LRRC7: variants seen among roughly 807,000 people sequenced by gnomAD.
The protein encoded by LRRC7 is leucine-rich repeat-containing protein 7.
A neutral mutation model predicts 175.7 loss-of-function variants in LRRC7; 23 were observed. That is an observed-to-expected ratio of 0.13 (90% CI 0.09 to 0.19). LRRC7 has a LOEUF of 0.19. LRRC7 is among the 10% of genes least tolerant of loss of function. The probability of loss-of-function intolerance (pLI) is 1.00; values close to 1 mark genes in which losing one functional copy is unlikely to be tolerated. For missense variants in LRRC7, 1,354 were observed against 1,904.7 expected (o/e 0.71, Z 5.38); for synonymous variants, 685 against 680.9 (o/e 1.01, Z -0.09).
At chr1:69,740,427 T>G (rs1032999194) in intron 2 of LRRC7, among the ~76,000 whole-genome samples, 4 of 152,018 alleles carry the variant, frequency 2.6e-5, no homozygotes, top group African/African-American at 7.2e-5. Context: ...CTAAAGGCTG[T>G]TAAAATAAAA....
intron 1 of LRRC7, among the ~76,000 whole-genome samples, chr1:69,617,551 A>AAAAAAAAAAAAAAAAAAAC: frequency 6.8e-6 from 1 of 146,240 alleles, no homozygotes; most frequent in Non-Finnish European, 1.5e-5. Context: ...TCACAGTAAA[A>AAAAAAAAAAAAAAAAAAAC]AAAAAAAAAA....
chr1:70,059,648 C>A (rs1005805135), intron 23 of LRRC7, among the ~76,000 whole-genome samples: 5 of 145,642 alleles, frequency 3.4e-5, no homozygotes, highest in African/African-American at 1.3e-4. Context: ...ATATTCATTT[C>A]TTATTTCAAT....
At chr1:70,009,994 A>T (rs1047113246) in intron 11 of LRRC7, among the ~76,000 whole-genome samples, 2 of 152,112 alleles carry the variant, frequency 1.3e-5, no homozygotes, top group African/African-American at 4.8e-5. Flanking sequence ...ACCCACTATC[A>T]CCAGCCCCTC....
At chr1:69,986,669 G>A (rs1170156643) in intron 10 of LRRC7, among the ~76,000 whole-genome samples, 1 of 152,218 alleles carries the variant, frequency 6.6e-6, no homozygotes, top group African/African-American at 2.4e-5. Context: ...ATTATAAGGA[G>A]TATGTATGTT....
Position 70,021,014 on chromosome 1 carries a change from C to A in LRRC7, c.1430C>A (p.Ser477Ter). Reference sequence around the variant, plus strand: ...TGGAATCTAACTGTAGATTTCCAGTCAGACAGTGACAGCTTTAACCCTACA... The same window carrying A: ...TGGAATCTAACTGTAGATTTCCAGTAAGACAGTGACAGCTTTAACCCTACA... ...QQPRGDEDFQSDSDSFNPTLW... is the reference protein window; with the variant it reads ...QQPRGDEDFQ Residue 477 changes from serine (S) to a stop codon, truncating the protein, a stop_gained, in exon 16 of 27, where the codon TCA (serine) becomes TAA (stop). Coordinates refer to ENST00000651989, the MANE Select transcript of LRRC7 (RefSeq NM_001370785.2). LOFTEE classifies it high-confidence loss of function. 1 of 1,603,414 alleles carries A rather than the reference C, an allele frequency of 6.2e-7. No homozygotes were observed. Among genetic ancestry groups the A allele is most frequent in the South Asian group, 1.1e-5 (1 of 88,724 alleles).
chr1:69,927,854 A>C (rs559969041), intron 7 of LRRC7, among the ~76,000 whole-genome samples: 5 of 152,154 alleles, frequency 3.3e-5, no homozygotes, highest in African/African-American at 9.7e-5. Flanking sequence ...CTGGTGAGGA[A>C]CTGCATTCCT....
intron 3 of LRRC7, among the ~76,000 whole-genome samples, chr1:69,786,710 C>CA (rs1442895707): frequency 1.3e-5 from 2 of 152,122 alleles, no homozygotes; most frequent in African/African-American, 4.8e-5. Flanking sequence ...TATTCAATCA[C>CA]AAAAACAACA....
At chr1:70,111,526 C>T (rs1196147964) in intron 26 of LRRC7, among the ~76,000 whole-genome samples, 4 of 152,008 alleles carry the variant, frequency 2.6e-5, no homozygotes, top group African/African-American at 9.7e-5. Context: ...TGTGAATTTG[C>T]CAATATTTGA....
intron 1 of LRRC7, among the ~76,000 whole-genome samples, chr1:69,576,194 T>C (rs1203198226): frequency 1.3e-5 from 2 of 150,580 alleles, no homozygotes; most frequent in Admixed American, 6.6e-5. Context: ...ATCACACTAC[T>C]GTACTCCAGG....
In LRRC7 at chr1:70,039,598, T is replaced by C. The variant is rs1394944754; in HGVS notation, c.3774T>C (p.Ala1258=). The C allele has an allele frequency of 1.2e-6, 2 of 1,614,010 alleles. No individual in the cohort carries two copies. The highest frequency in any genetic ancestry group is 1.7e-6 in the Non-Finnish European group (2 of 1,180,006). The stretch of plus-strand genomic sequence containing the variant: ...CCTCCCAAACCAGGCCAGTTTCAGC[T>C]AGGCCTACTATGGCAGCTCTTTTGG... The part of the protein sequence containing the change: ...YGASQTRPVS[A]RPTMAALLEK... Residue 1258 remains alanine, a synonymous_variant, in exon 21 of 27, where the codon GCT becomes GCC. Transcript: ENST00000651989.
intron 8 of LRRC7, among the ~76,000 whole-genome samples, chr1:69,957,691 C>A (rs897080919): frequency 6.6e-6 from 1 of 151,652 alleles, no homozygotes; most frequent in Non-Finnish European, 1.5e-5. Context: ...TCTTTATGAC[C>A]CGAATGTTAT....
intron 4 of LRRC7, among the ~76,000 whole-genome samples, chr1:69,797,752 T>C (rs1675963102): frequency 1.3e-5 from 2 of 152,182 alleles, no homozygotes; most frequent in Non-Finnish European, 2.9e-5. Flanking sequence ...TCTTTCATAA[T>C]TGCTAATATG....
At chr1:69,769,248 A>C (rs1471073817) in intron 3 of LRRC7, among the ~76,000 whole-genome samples, 1 of 152,206 alleles carries the variant, frequency 6.6e-6, no homozygotes, top group Non-Finnish European at 1.5e-5. Context: ...CTTCATTTGC[A>C]GTAGTTGCTC....
chr1:69,753,283 CGTGTGTGTGTGTATGTGT>C (rs938621005), intron 2 of LRRC7, among the ~76,000 whole-genome samples: 3 of 131,136 alleles, frequency 2.3e-5, no homozygotes, highest in Non-Finnish European at 3.2e-5. Flanking sequence ...AAATCATTGT[CGTGTGTGTGTGTATGTGT>C]GTGTGTGTGT....
At chr1:69,973,514 T>C (rs529963034) in intron 8 of LRRC7, among the ~76,000 whole-genome samples, 2 of 152,334 alleles carry the variant, frequency 1.3e-5, no homozygotes, top group African/African-American at 2.4e-5. Context: ...GCAGGAGTTA[T>C]TGGAATTTGT....
chr1:69,781,868 G>A (rs1673744830), intron 3 of LRRC7, among the ~76,000 whole-genome samples: 1 of 127,492 alleles, frequency 7.8e-6, no homozygotes, highest in Admixed American at 8.4e-5. Context: ...AGAGAAGGAA[G>A]GAAGGAAGAA....
At position 69,609,505 on chromosome 1, in the gene LRRC7, T is replaced by G. The variant is rs184010087; in HGVS notation, c.2+40864T>G. 1.6e-3 allele frequency among the ~76,000 whole-genome samples: 239 copies of G among 152,054 alleles called. 1 individual carries two copies. Among genetic ancestry groups the G allele is most frequent in the Non-Finnish European group, 2.2e-3 (148 of 67,910 alleles). On this transcript the variant is annotated intron_variant, in intron 1 of 26. Coordinates refer to ENST00000651989, the MANE Select transcript of LRRC7 (RefSeq NM_001370785.2). The stretch of plus-strand genomic sequence containing the variant: ...AAAAATGACCACCGTTTATCAGAAA[T>G]GAATACTGATGACACTGAACTCTAA...
chr1:69,589,141 T>G (rs865909814), intron 1 of LRRC7, among the ~76,000 whole-genome samples: 427 of 151,680 alleles, frequency 2.8e-3, no homozygotes, highest in Non-Finnish European at 4.7e-3. Flanking sequence ...TGTGTGTGTG[T>G]GTGTGTGTGT....
intron 7 of LRRC7, among the ~76,000 whole-genome samples, chr1:69,858,965 A>G (rs1570371525): frequency 6.6e-6 from 1 of 152,146 alleles, no homozygotes; most frequent in East Asian, 1.9e-4. Context: ...TACGAACTCA[A>G]CAGCACAGCA....
Sources: allele counts gnomAD v4.1 joint callset (sites outside exome capture counted in the v4.1 genomes callset), GRCh38; gene constraint gnomAD v4.1.1; transcripts MANE v1.5; gene names NCBI Gene and HGNC (gene_info 2026-07-23, HGNC 2026-07-21).